The following LRMDA variants were observed in gnomAD, a reference collection of about 807,000 sequenced individuals.
LRMDA encodes the protein leucine rich melanocyte differentiation associated.
Under a neutral mutation model 29.8 loss-of-function variants are expected in LRMDA, and 18 were observed. The observed-to-expected ratio is 0.60, with a 90% CI of 0.42 to 0.90. The LOEUF is 0.90. LRMDA is among the 40% of genes least tolerant of loss of function. LRMDA has a pLI of 0.00. For synonymous variants in LRMDA, 125 were observed against 109.4 expected, an observed-to-expected ratio of 1.14 and a Z score of -0.89; for missense variants, 273 against 273.9, an observed-to-expected ratio of 1.00 and a Z score of 0.02.
At chr10:75,915,683 G>C (rs149533379) in intron 2 of LRMDA, among the ~76,000 whole-genome samples, 1 of 152,286 alleles carries the variant, frequency 6.6e-6, no homozygotes, top group East Asian at 1.9e-4. Context: ...TCTAAGCTCT[G>C]AACTAGGCTA....
At chr10:76,157,588 T>G (rs758448028) in intron 5 of LRMDA, among the ~76,000 whole-genome samples, 6 of 152,004 alleles carry the variant, frequency 3.9e-5, no homozygotes, top group Non-Finnish European at 7.4e-5. Flanking sequence ...CACTGCAGCC[T>G]GGGTGACAGA....
At chr10:75,496,874 T>C (rs1845050378) in intron 2 of LRMDA, among the ~76,000 whole-genome samples, 1 of 152,068 alleles carries the variant, frequency 6.6e-6, no homozygotes, top group South Asian at 2.1e-4. Flanking sequence ...GAGGGGTCTA[T>C]ACACATATGT....
chr10:76,066,167 T>A (rs1417342097), intron 5 of LRMDA, among the ~76,000 whole-genome samples: 3 of 152,018 alleles, frequency 2.0e-5, no homozygotes, highest in Non-Finnish European at 4.4e-5. Context: ...TTTTGTGAGG[T>A]TAGTGGCAGT....
intron 2 of LRMDA, among the ~76,000 whole-genome samples, chr10:75,842,280 G>A (rs964355898): frequency 6.6e-6 from 1 of 152,158 alleles, no homozygotes; most frequent in East Asian, 1.9e-4. Context: ...AGTAAGCTGT[G>A]TTATAAGAAA....
chr10:76,102,877 C>T (rs1009306700), intron 5 of LRMDA, among the ~76,000 whole-genome samples: 1 of 152,056 alleles, frequency 6.6e-6, no homozygotes, highest in Non-Finnish European at 1.5e-5. Context: ...GCCTTTAACT[C>T]TTGGGTTCAA....
intron 2 of LRMDA, among the ~76,000 whole-genome samples, chr10:75,689,721 T>G (rs1842121804): frequency 6.6e-6 from 1 of 152,178 alleles, no homozygotes; most frequent in Non-Finnish European, 1.5e-5. Context: ...ATGAGTCCAT[T>G]CATTATCTGC....
intron 2 of LRMDA, among the ~76,000 whole-genome samples, chr10:75,510,957 C>T (rs1238825006): frequency 6.6e-6 from 1 of 152,190 alleles, no homozygotes; most frequent in Non-Finnish European, 1.5e-5. Context: ...AGGCAGTTGA[C>T]ATGGTAACAG....
At chr10:75,487,931 T>C (rs182061630) in intron 2 of LRMDA, among the ~76,000 whole-genome samples, 2 of 152,322 alleles carry the variant, frequency 1.3e-5, no homozygotes, top group East Asian at 3.9e-4. Context: ...ATTTTTGAAA[T>C]TCTGGTTTGA....
chr10:76,028,699 A>G (rs1406581215), intron 2 of LRMDA, among the ~76,000 whole-genome samples: 1 of 152,172 alleles, frequency 6.6e-6, no homozygotes, highest in African/African-American at 2.4e-5. Flanking sequence ...GCCATTAATC[A>G]GTATTCTTCA....
intron 2 of LRMDA, among the ~76,000 whole-genome samples, chr10:75,905,244 T>C (rs2132370516): frequency 6.6e-6 from 1 of 151,484 alleles, no homozygotes; most frequent in South Asian, 2.1e-4. Flanking sequence ...CTCTTTTTTT[T>C]TTTTTTTTTT....
chr10:75,813,552 A>G (rs1844001326), intron 2 of LRMDA, among the ~76,000 whole-genome samples: 2 of 152,122 alleles, frequency 1.3e-5, no homozygotes, highest in Admixed American at 1.3e-4. Flanking sequence ...TTTCCGAAAG[A>G]GTTTGGGTTT....
chr10:76,352,402 A>G (rs1369854589), intron 6 of LRMDA, among the ~76,000 whole-genome samples: 1 of 152,138 alleles, frequency 6.6e-6, no homozygotes, highest in East Asian at 1.9e-4. Context: ...GGTTACTTCA[A>G]CACAACCACT....
chr10:76,405,060 C>T (rs554054665), intron 6 of LRMDA, among the ~76,000 whole-genome samples: 6 of 152,218 alleles, frequency 3.9e-5, no homozygotes, highest in African/African-American at 1.2e-4. Context: ...GTTATTAGCT[C>T]GGTGAGACCC....
chr10:75,607,251 C>G (rs1298705957), intron 2 of LRMDA, among the ~76,000 whole-genome samples: 1 of 152,180 alleles, frequency 6.6e-6, no homozygotes, highest in East Asian at 1.9e-4. Flanking sequence ...TCTTTCCTAT[C>G]TTGTATTTAT....
intron 2 of LRMDA, among the ~76,000 whole-genome samples, chr10:75,546,584 T>G (rs531663162): frequency 6.6e-6 from 1 of 152,342 alleles, no homozygotes; most frequent in East Asian, 1.9e-4. Flanking sequence ...TTTACAAAAT[T>G]ATAATAAAAT....
chr10:76,451,226 G>C (rs919732042), intron 6 of LRMDA, among the ~76,000 whole-genome samples: 2 of 151,422 alleles, frequency 1.3e-5, no homozygotes, highest in African/African-American at 4.9e-5. Flanking sequence ...TTTTGAGACA[G>C]AGTCTCGCTC....
At chr10:76,398,212 C>T (rs966068744) in intron 6 of LRMDA, among the ~76,000 whole-genome samples, 18 of 152,162 alleles carry the variant, frequency 1.2e-4, no homozygotes, top group Non-Finnish European at 2.5e-4. Context: ...TTAGCTCATG[C>T]GGACTTCTAG....
rs148167038 is a variant in LRMDA, at chr10:76,295,764, T to G, written c.517-28637T>G. Among the ~76,000 whole-genome samples, 339 of 152,284 alleles carry G rather than the reference T, an allele frequency of 2.2e-3. 1 individual carries two copies. The highest frequency in any genetic ancestry group is 7.5e-3 in the African/African-American group (312 of 41,566). On this transcript the variant is annotated intron_variant, in intron 5 of 6. Coordinates refer to ENST00000611255, the MANE Select transcript of LRMDA (RefSeq NM_001305581.2). The stretch of plus-strand genomic sequence containing the variant: ...TCCTCTAGCCCTCTTCAGTTCCACT[T>G]TCAGATTCTCCCTTGACCCTTCATT...
chr10:75,436,761 G>A (rs1010877699), intron 1 of LRMDA, among the ~76,000 whole-genome samples: 3 of 152,106 alleles, frequency 2.0e-5, no homozygotes, highest in East Asian at 1.9e-4. Flanking sequence ...GAGCCACCGC[G>A]CCTGGCCAAG....
Sources: gnomAD v4.1 joint callset for allele counts (sites outside exome capture counted in the v4.1 genomes callset) on GRCh38, gnomAD v4.1.1 for gene constraint, MANE v1.5 for transcripts, NCBI Gene and HGNC (gene_info 2026-07-23, HGNC 2026-07-21) for gene names.